Variants in MED13L observed in about 807,000 individuals in gnomAD.
MED13L encodes the protein mediator complex subunit 13L.
In MED13L, 7 loss-of-function variants were observed where a neutral mutation model predicts 220.9. That is an observed-to-expected ratio of 0.03 (90% confidence interval 0.02 to 0.06). MED13L has a LOEUF of 0.06. Among genes scored for constraint, MED13L ranks in the 10% least tolerant of loss-of-function variants. The pLI is 1.00. For missense variants in MED13L, 1,965 were observed against 2,760.5 expected, an observed-to-expected ratio of 0.71 and a Z score of 6.46; for synonymous variants, 1,011 against 1,015.2, an observed-to-expected ratio of 1.00 and a Z score of 0.08.
At chr12:116,253,883 C>CT (rs1871805348) in intron 1 of MED13L, among the ~76,000 whole-genome samples, 1 of 150,780 alleles carries the variant, frequency 6.6e-6, no homozygotes, top group Non-Finnish European at 1.5e-5. Context: ...CCTCGGCCTC[C>CT]TGAGTAGCTG....
chr12:116,265,005 T>C (rs1034873296), intron 1 of MED13L, among the ~76,000 whole-genome samples: 16 of 152,302 alleles, frequency 1.1e-4, no homozygotes, highest in Admixed American at 2.6e-4. Context: ...GACAGACAGA[T>C]AGAACTGAAA....
At chr12:116,131,279 C>T (rs999825145) in intron 2 of MED13L, among the ~76,000 whole-genome samples, 2 of 152,132 alleles carry the variant, frequency 1.3e-5, no homozygotes, top group Non-Finnish European at 2.9e-5. Context: ...AATAATCAAA[C>T]ATAATCCATA....
At chr12:116,220,636 T>G (rs1333342582) in intron 2 of MED13L, among the ~76,000 whole-genome samples, 1 of 151,972 alleles carries the variant, frequency 6.6e-6, no homozygotes, top group Admixed American at 6.6e-5. Context: ...GAGGCGGAGG[T>G]TGCAGTGAGC....
At chr12:116,193,853 C>T (rs904712753) in intron 2 of MED13L, among the ~76,000 whole-genome samples, 3 of 152,160 alleles carry the variant, frequency 2.0e-5, no homozygotes, top group Non-Finnish European at 4.4e-5. Flanking sequence ...GATCACTGTA[C>T]ATCAGTCTCC....
At chr12:116,172,405 A>G (rs768211394) in intron 2 of MED13L, among the ~76,000 whole-genome samples, 4 of 152,076 alleles carry the variant, frequency 2.6e-5, no homozygotes, top group African/African-American at 9.7e-5. Context: ...TGCCGCAGAT[A>G]TTTTTTTGGC....
intron 1 of MED13L, chr12:116,276,678 G>C (rs773246867): frequency 8.4e-7 from 1 of 1,184,880 alleles, no homozygotes; most frequent in Non-Finnish European, 1.1e-6. Flanking sequence ...GATCGGAGGC[G>C]CGGCAGCACA....
intron 4 of MED13L, among the ~76,000 whole-genome samples, chr12:116,046,855 C>T (rs887132554): frequency 2.3e-4 from 35 of 152,140 alleles, no homozygotes; most frequent in Admixed American, 2.1e-3. Flanking sequence ...TGCCTGTAGT[C>T]CCAGCTACTT....
chr12:116,095,871 A>G (rs1003218133), intron 4 of MED13L, among the ~76,000 whole-genome samples: 2 of 152,148 alleles, frequency 1.3e-5, no homozygotes, highest in Non-Finnish European at 2.9e-5. Context: ...GTATAGTATC[A>G]AGGATTGCAT....
Position 116,155,892 on chromosome 12 carries a change from A to G in MED13L, c.311-44380T>C, listed in dbSNP as rs562870469. The stretch of plus-strand genomic sequence containing the variant: ...TAATAAAATAATCAGATACATAATT[A>G]TAGGACCAGTATGTATTTTCATATT... On this transcript the variant is annotated intron_variant, in intron 2 of 30. Coordinates refer to ENST00000281928, the MANE Select transcript of MED13L (RefSeq NM_015335.5). 1.4e-4 allele frequency among the ~76,000 whole-genome samples: 21 copies of G among 152,312 alleles called. No individual in the cohort carries two copies. The East Asian group carries it at 4.0e-3, about 29-fold the overall frequency.
Position 116,005,998 on chromosome 12 carries a change from A to C in MED13L, c.2345-5T>G. The stretch of plus-strand genomic sequence containing the variant: ...CAGCATTATCCTGCCGGACATCTGT[A>C]GGAAAGGAGGCAAAAGACACAGAAT... On this transcript the variant is annotated splice_polypyrimidine_tract_variant and splice_region_variant and intron_variant, in intron 12 of 30. Transcript: ENST00000281928. 6.2e-7 allele frequency: 1 copy of C among 1,613,866 alleles called. No homozygotes were observed. The highest frequency in any genetic ancestry group is 8.5e-7 in the Non-Finnish European group (1 of 1,179,816).
Position 116,008,353 on chromosome 12 carries a change from C to T in MED13L, c.2012+48G>A, listed in dbSNP as rs201872286. 5.4e-5 allele frequency: 84 copies of T among 1,564,700 alleles called. No homozygotes were observed. The African/African-American group carries it at 9.4e-4, about 17-fold the overall frequency. On this transcript the variant is annotated intron_variant, in intron 10 of 30. Transcript: ENST00000281928. ...TTAGCAGGTAGAGATGGGGAGGGAG[C>T]CCATGCCCTTCCGGTGGACGGGTGG...
At chr12:116,127,075 G>C (rs193107656) in intron 2 of MED13L, among the ~76,000 whole-genome samples, 1 of 152,288 alleles carries the variant, frequency 6.6e-6, no homozygotes, top group Admixed American at 6.5e-5. Context: ...ACTGGTGCTT[G>C]AGTATATTAA....
intron 11 of MED13L, chr12:116,006,667 T>C (rs1426213586): frequency 7.5e-6 from 4 of 535,172 alleles, no homozygotes; most frequent in Non-Finnish European, 1.3e-5. Flanking sequence ...TAAGCAGTAC[T>C]GGTGGCATTT....
At chr12:116,091,120 CAAAAAAAAAA>C (rs5801163) in intron 4 of MED13L, among the ~76,000 whole-genome samples, 1 of 87,390 alleles carries the variant, frequency 1.1e-5, no homozygotes, top group African/African-American at 4.3e-5. Flanking sequence ...AACTCTGTCT[CAAAAAAAAAA>C]AAAAAAAAAA....
At chr12:116,130,865 C>A (rs536141833) in intron 2 of MED13L, among the ~76,000 whole-genome samples, 1 of 150,124 alleles carries the variant, frequency 6.7e-6, no homozygotes, top group South Asian at 2.1e-4. Context: ...AAAAAAAAAA[C>A]CTTAAAACTG....
intron 1 of MED13L, among the ~76,000 whole-genome samples, chr12:116,257,753 C>A (rs891901892): frequency 6.6e-6 from 1 of 152,060 alleles, no homozygotes; most frequent in Non-Finnish European, 1.5e-5. Flanking sequence ...AGACTTTTAT[C>A]GAGGTGATCA....
intron 1 of MED13L, among the ~76,000 whole-genome samples, chr12:116,269,604 A>G (rs964555013): frequency 1.3e-5 from 2 of 152,162 alleles, no homozygotes; most frequent in Non-Finnish European, 1.5e-5. Flanking sequence ...CGGTGGGAGG[A>G]CTGCTTGAGC....
At chr12:116,114,256 A>G (rs372032357) in intron 2 of MED13L, among the ~76,000 whole-genome samples, 2 of 152,186 alleles carry the variant, frequency 1.3e-5, no homozygotes, top group South Asian at 2.1e-4. Context: ...ATGTCAAAGG[A>G]AAGTTTACAA....
chr12:116,153,482 T>C (rs971647028), intron 2 of MED13L, among the ~76,000 whole-genome samples: 1 of 152,190 alleles, frequency 6.6e-6, no homozygotes, highest in Non-Finnish European at 1.5e-5. Flanking sequence ...ATTTCTGTAA[T>C]AGCAATAACC....
Sources: allele counts gnomAD v4.1 joint callset (sites outside exome capture counted in the v4.1 genomes callset), GRCh38; gene constraint gnomAD v4.1.1; transcripts MANE v1.5; gene names NCBI Gene and HGNC (gene_info 2026-07-23, HGNC 2026-07-21).